Variants in SAXO1 observed in about 807,000 individuals in gnomAD.
SAXO1 encodes the protein 4930500O09Rik.
Under a neutral mutation model 17.5 loss-of-function variants are expected in SAXO1, and 21 were observed. The observed-to-expected ratio is 1.20, with a 90% CI of 0.85 to 1.72. SAXO1 has a LOEUF of 1.72. Among genes scored for constraint, SAXO1 ranks in the 40% most tolerant of loss-of-function variants. The pLI is 0.00. For missense variants in SAXO1, 843 were observed against 596.0 expected (o/e 1.41, Z -4.32); for synonymous variants, 274 against 216.5 (o/e 1.27, Z -2.33).
intron 1 of SAXO1, among the ~76,000 whole-genome samples, chr9:18,956,905 T>G (rs961656061): frequency 6.6e-6 from 1 of 152,230 alleles, no homozygotes; most frequent in Non-Finnish European, 1.5e-5. Context: ...ACCAGTGCTA[T>G]GAAGATGTTA....
chr9:18,975,244 AGGGAGAGTGCAGGCTGGGGAAG>A (rs1833098913), intron 1 of SAXO1, among the ~76,000 whole-genome samples: 1 of 151,128 alleles, frequency 6.6e-6, no homozygotes, highest in Non-Finnish European at 1.5e-5. Context: ...CTGGGGAAGC[AGGGAGAGTGCAGGCTGGGGAAG>A]GATAAATGGT....
intron 1 of SAXO1, among the ~76,000 whole-genome samples, chr9:19,040,739 T>C: frequency 6.6e-6 from 1 of 151,914 alleles, no homozygotes; most frequent in East Asian, 1.9e-4. Context: ...CTCAAGAAGG[T>C]AAACCTATAC....
intron 1 of SAXO1, chr9:19,028,146 C>G (rs1029115593): frequency 1.3e-6 from 2 of 1,557,450 alleles, no homozygotes; most frequent in Admixed American, 1.7e-5. Context: ...GCACGGCAGG[C>G]CAGCCCCGGA....
intron 1 of SAXO1, among the ~76,000 whole-genome samples, chr9:19,009,607 A>C (rs1834639361): frequency 6.6e-6 from 1 of 152,164 alleles, no homozygotes; most frequent in Non-Finnish European, 1.5e-5. Context: ...AGGAGTACAC[A>C]GAATGAAATG....
Position 18,985,575 on chromosome 9 carries a change from C to T in SAXO1, c.39-34638G>A, listed in dbSNP as rs150741246. On this transcript the variant is annotated intron_variant, in intron 1 of 3. Transcript: ENST00000380534. ...AGCAATTGACTGGAGTTACAGGGCT[C>T]CTCGAGTGTACTCTCCTGGCAAAGC... Among the ~76,000 whole-genome samples, 592 of 152,236 alleles carry T rather than the reference C, an allele frequency of 3.9e-3. 7 individuals are homozygous for T. The highest frequency in any genetic ancestry group is 0.032 in the Admixed American group (496 of 15,288).
intron 1 of SAXO1, among the ~76,000 whole-genome samples, chr9:18,983,848 C>A (rs1033177419): frequency 6.6e-6 from 1 of 152,178 alleles, no homozygotes; most frequent in African/African-American, 2.4e-5. Context: ...TCCAGAAGGC[C>A]AATACCAGTC....
chr9:18,947,204 G>C (rs1204975802), intron 2 of SAXO1, among the ~76,000 whole-genome samples: 2 of 152,216 alleles, frequency 1.3e-5, no homozygotes, highest in Non-Finnish European at 2.9e-5. Flanking sequence ...CTCTGAGTAA[G>C]AGAGTCAGGT....
chr9:18,930,177 G>A (rs572752160), intron 3 of SAXO1, among the ~76,000 whole-genome samples: 1 of 152,246 alleles, frequency 6.6e-6, no homozygotes, highest in African/African-American at 2.4e-5. Flanking sequence ...AATAATCAGA[G>A]GGAAGATTTT....
intron 1 of SAXO1, among the ~76,000 whole-genome samples, chr9:19,002,039 C>T (rs145423658): frequency 0.018 from 2,784 of 152,050 alleles, 62 homozygotes; most frequent in African/African-American, 0.053. Flanking sequence ...GTCAAATAGA[C>T]GCAATAAAAA....
chr9:19,021,921 G>A (rs1420850589), intron 1 of SAXO1, among the ~76,000 whole-genome samples: 1 of 149,596 alleles, frequency 6.7e-6, no homozygotes, highest in Non-Finnish European at 1.5e-5. Flanking sequence ...GCAGGGCCCA[G>A]TAAGGAAATA....
chr9:18,939,574 A>G (rs1436518420), intron 3 of SAXO1, among the ~76,000 whole-genome samples: 1 of 152,204 alleles, frequency 6.6e-6, no homozygotes, highest in Admixed American at 6.5e-5. Context: ...AGGAAGCAGA[A>G]GGATTCTATA....
intron 1 of SAXO1, among the ~76,000 whole-genome samples, chr9:19,028,292 C>A (rs1007792754): frequency 1.3e-5 from 2 of 152,186 alleles, no homozygotes; most frequent in Non-Finnish European, 2.9e-5. Context: ...AGGAGAATCG[C>A]TTGAGCCCGG....
chr9:18,940,127 G>A (rs1200845817), intron 3 of SAXO1, among the ~76,000 whole-genome samples: 2 of 152,184 alleles, frequency 1.3e-5, no homozygotes, highest in South Asian at 2.1e-4. Flanking sequence ...ACACAGGAGC[G>A]GCTGGTGGTA....
chr9:18,940,502 C>T (rs1563930913), intron 3 of SAXO1, among the ~76,000 whole-genome samples: 1 of 152,178 alleles, frequency 6.6e-6, no homozygotes, highest in African/African-American at 2.4e-5. Context: ...ATTAGAGGCC[C>T]TTCTAGGAGC....
chr9:18,973,321 T>A (rs964683589), intron 1 of SAXO1, among the ~76,000 whole-genome samples: 1 of 152,228 alleles, frequency 6.6e-6, no homozygotes. Flanking sequence ...TCATCTAAAG[T>A]ACCAGCACCT....
At chr9:19,017,483 G>C (rs1448948905) in intron 1 of SAXO1, among the ~76,000 whole-genome samples, 1 of 152,230 alleles carries the variant, frequency 6.6e-6, no homozygotes, top group Non-Finnish European at 1.5e-5. Context: ...GCCAGTGACA[G>C]TTGTTGCAGC....
At chr9:19,040,535 C>T (rs7043507) in intron 1 of SAXO1, among the ~76,000 whole-genome samples, 74,543 of 151,626 alleles carry the variant, frequency 0.49, 20,120 homozygotes, top group African/African-American at 0.73. Context: ...TCCTAGCTAC[C>T]TGGGAGGCTG....
chr9:19,020,597 G>A (rs1434018811), intron 1 of SAXO1, among the ~76,000 whole-genome samples: 2 of 152,120 alleles, frequency 1.3e-5, no homozygotes, highest in Non-Finnish European at 1.5e-5. Context: ...GGGCTCAAGT[G>A]ATTTGCCCAC....
intron 1 of SAXO1, chr9:19,026,799 G>A: frequency 8.0e-6 from 4 of 497,176 alleles, no homozygotes; most frequent in South Asian, 7.5e-5. Flanking sequence ...GGGAGGCTGA[G>A]GTGGGTGGAT....
Sources: gnomAD v4.1 joint callset for allele counts (sites outside exome capture counted in the v4.1 genomes callset) on GRCh38, gnomAD v4.1.1 for gene constraint, MANE v1.5 for transcripts, NCBI Gene and HGNC (gene_info 2026-07-23, HGNC 2026-07-21) for gene names.